The following GLI3 variants were observed in gnomAD, a reference collection of about 807,000 sequenced individuals.
GLI3 encodes GLI family zinc finger 3.
A neutral mutation model predicts 100.8 loss-of-function variants in GLI3; 20 were observed. That is an observed-to-expected ratio of 0.20 (90% confidence interval 0.14 to 0.29). GLI3 has a LOEUF of 0.29. GLI3 is among the 10% of genes least tolerant of loss of function. The pLI, the probability that GLI3 is intolerant of heterozygous loss-of-function variation, is 1.00. For missense variants in GLI3, 2,040 were observed against 2,128.5 expected (o/e 0.96, Z 0.82); for synonymous variants, 938 against 860.5 (o/e 1.09, Z -1.58).
In GLI3 at chr7:41,963,480, T is replaced by C. The variant is rs1317847371; in HGVS notation, c.*850A>G. ...TTACCAGAACAGATAAAAGTAGCAA[T>C]GTGGCTGAGTGTCACCAACTGTCCG... On this transcript the variant is annotated 3_prime_UTR_variant, in exon 15 of 15. Transcript: ENST00000395925. 2.0e-5 allele frequency: 3 copies of C among 152,204 alleles called. No homozygotes were observed. Among genetic ancestry groups the C allele is most frequent in the Non-Finnish European group, 4.4e-5 (3 of 68,044 alleles). The allele number at this position is 152,204 out of a possible 1,614,324, so 9.4% of individuals were successfully genotyped here.
intron 1 of GLI3, among the ~76,000 whole-genome samples, chr7:42,263,408 AT>A (rs1319087965): frequency 6.6e-6 from 1 of 151,614 alleles, no homozygotes; most frequent in Non-Finnish European, 1.5e-5. Flanking sequence ...GCACCTTTTG[AT>A]TTTTCAAGAA....
Position 41,965,713 on chromosome 7 carries a change from G to C in GLI3, c.3360C>G (p.Ser1120Arg). 1.9e-6 allele frequency: 3 copies of C among 1,613,752 alleles called. No homozygotes were observed. The South Asian group carries it at 3.3e-5, about 18-fold the overall frequency. Residue 1120 changes from serine (S) to arginine (R), a missense_variant, in exon 15 of 15, where the codon AGC (serine) becomes AGG (arginine). Physicochemically the swap from Ser to Arg is moderately radical, Grantham distance 110. Around this residue, in one of 5 missense-constraint regions of GLI3, gnomAD observed 1,041 missense variants for 924.0 expected, o/e 1.13. Coordinates refer to ENST00000395925, the MANE Select transcript of GLI3 (RefSeq NM_000168.6). Reference sequence around the variant, plus strand: ...AGTCACCGGGCCCGTGGGGCACTTTGCTGTCGTCCGGGAGGGCGCTGGGGA... The same window carrying C: ...AGTCACCGGGCCCGTGGGGCACTTTCCTGTCGTCCGGGAGGGCGCTGGGGA... ...QHFPSALPDD[S>R]KVPHGPGDFD...
chr7:42,069,480 C>T (rs1199330301), intron 4 of GLI3, among the ~76,000 whole-genome samples: 2 of 152,082 alleles, frequency 1.3e-5, no homozygotes, highest in Non-Finnish European at 2.9e-5. Context: ...GAAAATTAGG[C>T]AGGACTTAAA....
chr7:42,151,579 G>C (rs1043651789), intron 2 of GLI3: 6 of 152,196 alleles, frequency 3.9e-5, no homozygotes, highest in Admixed American at 3.9e-4. Context: ...ACTGCTCCAA[G>C]AGCATCTGCC....
Position 41,962,066 on chromosome 7 carries a change from G to A in GLI3, c.*2264C>T, listed in dbSNP as rs1462970981. The A allele has an allele frequency of 6.6e-6, 1 of 152,180 alleles. No individual in the cohort carries two copies. Among genetic ancestry groups the A allele is most frequent in the Non-Finnish European group, 1.5e-5 (1 of 68,032 alleles). 9.4% of individuals were successfully genotyped at this position (152,180 alleles called of 1,614,324 possible). A position where few individuals can be genotyped will look rare whatever the true frequency, so the allele number is the denominator to read the frequency against. ...GAAGCACAAGACAACAACAGTGGTGGGCCGGATCACTGTGCATCCCTCCAG... is the reference window on the plus strand; with the variant it reads ...GAAGCACAAGACAACAACAGTGGTGAGCCGGATCACTGTGCATCCCTCCAG... On this transcript the variant is annotated 3_prime_UTR_variant, in exon 15 of 15. Transcript: ENST00000395925.
intron 2 of GLI3, among the ~76,000 whole-genome samples, chr7:42,179,573 T>C (rs141059792): frequency 6.6e-6 from 1 of 152,222 alleles, no homozygotes; most frequent in East Asian, 1.9e-4. Context: ...GTTGGTGCAA[T>C]CCAGGAAAGA....
chr7:41,992,244 A>T (rs1289455452), intron 10 of GLI3, among the ~76,000 whole-genome samples: 2 of 152,238 alleles, frequency 1.3e-5, no homozygotes, highest in Non-Finnish European at 2.9e-5. Context: ...TGTGAAAGAC[A>T]TTATGGAATA....
At chr7:42,037,972 A>G (rs1473194768) in intron 7 of GLI3, among the ~76,000 whole-genome samples, 1 of 152,230 alleles carries the variant, frequency 6.6e-6, no homozygotes, top group Non-Finnish European at 1.5e-5. Context: ...ATGCTGTAAA[A>G]AGTCAAGAGA....
At chr7:42,173,132 G>GTGCTGGTGAAA (rs1258888477) in intron 2 of GLI3, among the ~76,000 whole-genome samples, 4 of 152,298 alleles carry the variant, frequency 2.6e-5, no homozygotes, top group African/African-American at 9.6e-5. Flanking sequence ...TGTACCATAA[G>GTGCTGGTGAAA]TGCTGGTGAA....
intron 2 of GLI3, among the ~76,000 whole-genome samples, chr7:42,211,477 A>T (rs962456066): frequency 6.6e-6 from 1 of 152,242 alleles, no homozygotes; most frequent in Admixed American, 6.5e-5. Flanking sequence ...AAATGGACCA[A>T]CGTATGTTTT....
chr7:42,145,710 T>C, intron 3 of GLI3: 1 of 397,042 alleles, frequency 2.5e-6, no homozygotes, highest in Non-Finnish European at 4.4e-6. Context: ...CACATATTGA[T>C]GATGATGAGG....
chr7:41,992,889 A>T (rs1475148546), intron 10 of GLI3, among the ~76,000 whole-genome samples: 1 of 152,208 alleles, frequency 6.6e-6, no homozygotes, highest in Non-Finnish European at 1.5e-5. Context: ...TGTGGGCTTA[A>T]GCAGGAAAAC....
chr7:42,095,378 C>T (rs555490503), intron 3 of GLI3, among the ~76,000 whole-genome samples: 1 of 152,278 alleles, frequency 6.6e-6, no homozygotes, highest in South Asian at 2.1e-4. Context: ...GCACGGAAGG[C>T]TCAGCAGGAG....
At chr7:42,240,324 A>G (rs1268157234), upstream of GLI3, among the ~76,000 whole-genome samples, 2 of 152,224 alleles carry the variant, frequency 1.3e-5, no homozygotes, top group East Asian at 3.8e-4. Flanking sequence ...GCAACAGTGA[A>G]GTAGGAGATA....
In GLI3 at chr7:41,964,600, C is replaced by A; in HGVS notation, c.4473G>T (p.Val1491=). The stretch of plus-strand genomic sequence containing the variant: ...CCAGGTCATGGCTGTCGAGGCTGTC[C>A]ACTGTGCTTGTCACCTGATTAGCAC... ...SPGANQVTST[V]DSLDSHDLEG... is the part of the protein sequence containing the mutation. The change falls in exon 15 of 15, where the codon GTG becomes GTT. Residue 1491 remains valine, a synonymous_variant. Coordinates refer to ENST00000395925, the MANE Select transcript of GLI3 (RefSeq NM_000168.6). The A allele has an allele frequency of 3.1e-6, 5 of 1,614,168 alleles. No individual in the cohort carries two copies. Among genetic ancestry groups the A allele is most frequent in the Non-Finnish European group, 4.2e-6 (5 of 1,179,984 alleles).
rs868467352 is a variant in GLI3, at chr7:42,115,285, C to T, written c.367+32941G>A. Among the ~76,000 whole-genome samples the T allele has an allele frequency of 3.3e-5, 5 of 151,712 alleles. 1 individual carries two copies. Among genetic ancestry groups the T allele is most frequent in the African/African-American group, 4.8e-5 (2 of 41,292 alleles). ...TCCTGAGTAGCTGGGACTACAGGCGCCCTGCCACCATGCCCAGCTAGTTTT... is the reference window on the plus strand; with the variant it reads ...TCCTGAGTAGCTGGGACTACAGGCGTCCTGCCACCATGCCCAGCTAGTTTT... On this transcript the variant is annotated intron_variant, in intron 3 of 14. Transcript: ENST00000395925.
intron 2 of GLI3, among the ~76,000 whole-genome samples, chr7:42,198,064 A>T (rs940331315): frequency 1.3e-5 from 2 of 152,120 alleles, no homozygotes; most frequent in Non-Finnish European, 2.9e-5. Context: ...AAATTATCCT[A>T]AATTCTTCCA....
At chr7:42,214,562 C>T (rs1416560485) in intron 2 of GLI3, among the ~76,000 whole-genome samples, 1 of 146,036 alleles carries the variant, frequency 6.8e-6, no homozygotes, top group Non-Finnish European at 1.5e-5. Context: ...CTAAATTGCA[C>T]TAGGAATAAC....
intron 7 of GLI3, among the ~76,000 whole-genome samples, chr7:42,032,669 C>T (rs1279698494): frequency 1.3e-5 from 2 of 152,026 alleles, no homozygotes; most frequent in Non-Finnish European, 2.9e-5. Context: ...AACAATGGTA[C>T]TATAAATAAA....
Sources: gnomAD v4.1 joint callset for allele counts (sites outside exome capture counted in the v4.1 genomes callset) on GRCh38, gnomAD v4.1.1 for gene constraint, gnomAD v4.1.1 regional missense constraint, MANE v1.5 for transcripts, NCBI Gene and HGNC (gene_info 2026-07-23, HGNC 2026-07-21) for gene names.